Variants in MYO3B observed in about 807,000 individuals in gnomAD.
MYO3B encodes the protein myosin IIIB, also known as myosin-IIIb.
Under a neutral mutation model 174.6 loss-of-function variants are expected in MYO3B, and 156 were observed. The observed-to-expected ratio is 0.89, with a 90% confidence interval of 0.78 to 1.02. MYO3B has a LOEUF of 1.02. Among genes scored for constraint, MYO3B ranks in the 50% least tolerant of loss-of-function variants. The probability of loss-of-function intolerance (pLI) is 0.00; values close to 1 mark genes in which losing one functional copy is unlikely to be tolerated. For missense variants in MYO3B, 1,632 were observed against 1,639.4 expected (o/e 1.00, Z 0.08); for synonymous variants, 563 against 569.1 (o/e 0.99, Z 0.15).
intron 9 of MYO3B, 58 bp from the exon 10 acceptor site, chr2:170,381,958 C>A: frequency 7.0e-7 from 1 of 1,430,660 alleles, no homozygotes; most frequent in South Asian, 1.2e-5. Flanking sequence ...GCTTGCTGCC[C>A]GCTTTCTGCT....
chr2:170,459,157 A>C (rs1356497690), intron 23 of MYO3B, among the ~76,000 whole-genome samples: 1 of 152,216 alleles, frequency 6.6e-6, no homozygotes, highest in Non-Finnish European at 1.5e-5. Context: ...CGAAGAGTGA[A>C]AGAACAAAGC....
chr2:170,572,830 T>C (rs1188826045), intron 32 of MYO3B, among the ~76,000 whole-genome samples: 2 of 152,196 alleles, frequency 1.3e-5, no homozygotes, highest in Non-Finnish European at 2.9e-5. Context: ...TAATATTATG[T>C]CGTGAATCTC....
intron 7 of MYO3B, among the ~76,000 whole-genome samples, chr2:170,299,831 C>T (rs1477101558): frequency 6.6e-6 from 1 of 152,160 alleles, no homozygotes; most frequent in African/African-American, 2.4e-5. Context: ...AACAAAGATG[C>T]ATTGCTAGAT....
In MYO3B at chr2:170,225,034, A is replaced by T. The variant is rs577190434; in HGVS notation, c.603+7639A>T. ...ATTTTGTGTCAAAGGGCTGAGAAAG[A>T]CATACAACACTATAGAGTTGAATTA... On this transcript the variant is annotated intron_variant, in intron 6 of 34. Transcript: ENST00000408978. Among the ~76,000 whole-genome samples the T allele has an allele frequency of 3.3e-5, 5 of 152,368 alleles. No individual in the cohort carries two copies. In the South Asian group the frequency reaches 6.2e-4, roughly 19 times the overall value.
chr2:170,567,462 A>G (rs6718673), intron 32 of MYO3B, among the ~76,000 whole-genome samples: 21,293 of 152,240 alleles, frequency 0.14, 2,737 homozygotes, highest in African/African-American at 0.34. Context: ...CTTTGGACCT[A>G]AAAGTATGAC....
chr2:170,366,995 T>A (rs1372104300), intron 8 of MYO3B, among the ~76,000 whole-genome samples: 1 of 149,218 alleles, frequency 6.7e-6, no homozygotes, highest in African/African-American at 2.5e-5. Context: ...CCTGGAACAC[T>A]GCCCTGAGGT....
At chr2:170,514,000 G>A (rs2106122453) in intron 28 of MYO3B, among the ~76,000 whole-genome samples, 2 of 152,356 alleles carry the variant, frequency 1.3e-5, no homozygotes, top group Middle Eastern at 6.8e-3. Flanking sequence ...AAAGCCAGAA[G>A]GAAGGTGCAA....
chr2:170,498,607 A>T lies in MYO3B; in HGVS notation c.3030A>T (p.Ala1010=). The T allele has an allele frequency of 6.2e-7, 1 of 1,613,820 alleles. No individual in the cohort carries two copies. Among genetic ancestry groups the T allele is most frequent in the South Asian group, 1.1e-5 (1 of 91,040 alleles). Residue 1010 remains alanine (A), a synonymous_variant, in exon 26 of 35, where the codon GCA becomes GCT. Coordinates refer to ENST00000408978, the MANE Select transcript of MYO3B (RefSeq NM_138995.5). ...EEFVKRYYYL[A]FTAHQTPLAS... Reference sequence around the variant, plus strand: ...TATTTTGCAGGTATTATTACTTGGCATTCACAGCACATCAAACACCTCTTG... The same window carrying T: ...TATTTTGCAGGTATTATTACTTGGCTTTCACAGCACATCAAACACCTCTTG...
chr2:170,623,042 T>C (rs183540377), intron 32 of MYO3B, among the ~76,000 whole-genome samples: 39 of 152,330 alleles, frequency 2.6e-4, no homozygotes, highest in African/African-American at 8.9e-4. Flanking sequence ...TACGTGTGCA[T>C]GTGTCTTTAT....
intron 23 of MYO3B, among the ~76,000 whole-genome samples, chr2:170,462,034 C>A (rs1484525604): frequency 1.3e-5 from 2 of 152,200 alleles, no homozygotes; most frequent in East Asian, 3.9e-4. Context: ...CAGAGTGGAC[C>A]CATCTGGTGA....
At chr2:170,588,969 CA>C (rs1433278112) in intron 32 of MYO3B, among the ~76,000 whole-genome samples, 1 of 152,138 alleles carries the variant, frequency 6.6e-6, no homozygotes, top group East Asian at 1.9e-4. Flanking sequence ...AGACGGCCAA[CA>C]ACTTTAACCT....
chr2:170,321,594 A>T (rs2093826791), intron 7 of MYO3B, among the ~76,000 whole-genome samples: 1 of 152,226 alleles, frequency 6.6e-6, no homozygotes, highest in African/African-American at 2.4e-5. Context: ...GACCAGACAG[A>T]CAAGAATGCA....
intron 32 of MYO3B, among the ~76,000 whole-genome samples, chr2:170,633,341 A>G (rs1033233786): frequency 3.9e-5 from 6 of 152,238 alleles, no homozygotes; most frequent in Non-Finnish European, 7.3e-5. Context: ...AACTTAATCC[A>G]TCATATAAAC....
chr2:170,183,021 C>G (rs1001834926), intron 1 of MYO3B, among the ~76,000 whole-genome samples: 2 of 151,856 alleles, frequency 1.3e-5, no homozygotes, highest in African/African-American at 2.4e-5. Flanking sequence ...TTTGGGAGGC[C>G]AAGGCGGGTG....
chr2:170,372,212 A>G (rs182154658), intron 9 of MYO3B, among the ~76,000 whole-genome samples: 7 of 151,282 alleles, frequency 4.6e-5, no homozygotes, highest in African/African-American at 1.7e-4. Context: ...CACTAACTGG[A>G]TAAGTTTTTA....
chr2:170,626,649 TC>T (rs2105358633), intron 32 of MYO3B, among the ~76,000 whole-genome samples: 1 of 152,184 alleles, frequency 6.6e-6, no homozygotes, highest in South Asian at 2.1e-4. Context: ...GGATAGATGG[TC>T]TTTACAATTT....
At chr2:170,616,309 G>A (rs370431457) in intron 32 of MYO3B, among the ~76,000 whole-genome samples, 16 of 152,162 alleles carry the variant, frequency 1.1e-4, no homozygotes, top group African/African-American at 3.1e-4. Context: ...CACAAGGGTC[G>A]CATTCCATTC....
intron 7 of MYO3B, among the ~76,000 whole-genome samples, chr2:170,284,569 C>T (rs367918689): frequency 6.6e-6 from 1 of 151,738 alleles, no homozygotes; most frequent in African/African-American, 2.4e-5. Context: ...GGAAAGGGAG[C>T]GAATGAAAAT....
In MYO3B at chr2:170,452,344, C is replaced by G. The variant is rs959478321; in HGVS notation, c.2730+8298C>G. Among the ~76,000 whole-genome samples, 6 of 152,116 alleles carry G rather than the reference C, an allele frequency of 3.9e-5. 1 individual carries two copies. In the South Asian group the frequency reaches 8.3e-4, roughly 21 times the overall value. On this transcript the variant is annotated intron_variant, in intron 23 of 34. Transcript: ENST00000408978. ...TCTGTGGTGCCACCTCTGTTTTTCC[C>G]CAGGAGTCCAGGCTTTTGAAATTCT...
Sources: gnomAD v4.1 joint callset for allele counts (sites outside exome capture counted in the v4.1 genomes callset) on GRCh38, gnomAD v4.1.1 for gene constraint, MANE v1.5 for transcripts, NCBI Gene and HGNC (gene_info 2026-07-23, HGNC 2026-07-21) for gene names.